Variants in LRP6 observed in about 807,000 individuals in gnomAD.
The protein encoded by LRP6 is LDL receptor related protein 6.
In LRP6, 43 loss-of-function variants were observed where a neutral mutation model predicts 184.1. The observed-to-expected ratio is 0.23, with a 90% CI of 0.18 to 0.30. LRP6 has a LOEUF of 0.30. Among genes scored for constraint, LRP6 ranks in the 10% least tolerant of loss-of-function variants. LRP6 has a pLI of 1.00. For missense variants in LRP6, 1,571 were observed against 2,005.3 expected (o/e 0.78, Z 4.14); for synonymous variants, 719 against 684.9 (o/e 1.05, Z -0.78).
At position 12,118,727 on chromosome 12, in the gene LRP6, A is replaced by G. The variant is rs950365692; in HGVS notation, c.*2399T>C. On this transcript the variant is annotated 3_prime_UTR_variant, in exon 23 of 23. Coordinates refer to ENST00000261349, the MANE Select transcript of LRP6 (RefSeq NM_002336.3). ...CCCAGAAATATTAAGAATCCATCTC[A>G]TCTACCCCAGAAAGAGAACACTGAG... 2 of 152,230 alleles carry G rather than the reference A, an allele frequency of 1.3e-5. No homozygotes were observed. Among genetic ancestry groups the G allele is most frequent in the African/African-American group, 4.8e-5 (2 of 41,460 alleles). The allele number at this position is 152,230 out of a possible 1,614,324, so 9.4% of individuals were successfully genotyped here. A position where few individuals can be genotyped will look rare whatever the true frequency, so the allele number is the denominator to read the frequency against.
chr12:12,121,476 C>G, intron 22 of LRP6, 56 bp from the exon 23 acceptor site: 3 of 1,527,058 alleles, frequency 2.0e-6, no homozygotes, highest in South Asian at 2.2e-5. Flanking sequence ...AAAATGATTT[C>G]CCCTCTCAGA....
intron 2 of LRP6, among the ~76,000 whole-genome samples, chr12:12,221,998 T>C (rs1591961184): frequency 6.6e-6 from 1 of 152,160 alleles, no homozygotes; most frequent in East Asian, 1.9e-4. Context: ...ACTTATACCC[T>C]TCCACTGTGC....
At chr12:12,171,841 C>T (rs1863054882) in intron 7 of LRP6, among the ~76,000 whole-genome samples, 1 of 152,190 alleles carries the variant, frequency 6.6e-6, no homozygotes, top group Non-Finnish European at 1.5e-5. Context: ...ACAAGTTAAC[C>T]ATAGTGAAAT....
chr12:12,154,484 G>A lies in LRP6; in HGVS notation c.2792-3446C>T, dbSNP rs1055697605. Among the ~76,000 whole-genome samples, 4 of 152,288 alleles carry A rather than the reference G, an allele frequency of 2.6e-5. No homozygotes were observed. In the East Asian group the frequency reaches 7.7e-4, roughly 29 times the overall value. ...TCCACTGAATTTCATTCACTGCTAT[G>A]TTTTCCAACGGCTGAAGTAATGCGC... On this transcript the variant is annotated intron_variant, in intron 12 of 22. Coordinates refer to ENST00000261349, the MANE Select transcript of LRP6 (RefSeq NM_002336.3).
rs552570542 is a variant in LRP6, at chr12:12,130,035, T to C, written c.4081+748A>G. 3.0e-4 allele frequency among the ~76,000 whole-genome samples: 46 copies of C among 152,258 alleles called. No individual in the cohort carries two copies. The South Asian group carries it at 8.7e-3, about 29-fold the overall frequency. ...TATGTGTTTTTTAGGCTAAATGATA[T>C]ATATGTTAAATCATTTAATTTTCTT... On this transcript the variant is annotated intron_variant, in intron 19 of 22. Coordinates refer to ENST00000261349, the MANE Select transcript of LRP6 (RefSeq NM_002336.3).
intron 12 of LRP6, among the ~76,000 whole-genome samples, chr12:12,152,322 G>A (rs750433918): frequency 9.9e-5 from 15 of 152,046 alleles, no homozygotes; most frequent in South Asian, 2.1e-4. Flanking sequence ...TTTATCAACC[G>A]CATGAAAATG....
chr12:12,250,375 G>C (rs1865295789), intron 1 of LRP6, among the ~76,000 whole-genome samples: 1 of 152,074 alleles, frequency 6.6e-6, no homozygotes, highest in African/African-American at 2.4e-5. Context: ...CTCCCAGCAA[G>C]CAAGTCCTTC....
intron 15 of LRP6, among the ~76,000 whole-genome samples, chr12:12,145,624 CTTTTTTTTTTTT>C (rs1157764946): frequency 1.2e-5 from 1 of 80,314 alleles, no homozygotes; most frequent in Non-Finnish European, 2.6e-5. Context: ...TTTTCTTTTT[CTTTTTTTTTTTT>C]TTTTTTTTTG....
At chr12:12,245,100 T>C (rs1865153749) in intron 1 of LRP6, among the ~76,000 whole-genome samples, 1 of 152,208 alleles carries the variant, frequency 6.6e-6, no homozygotes, top group African/African-American at 2.4e-5. Context: ...ATCTAGGTAT[T>C]TACTCAAGAG....
intron 2 of LRP6, among the ~76,000 whole-genome samples, chr12:12,228,892 G>T (rs990682903): frequency 2.6e-5 from 4 of 152,292 alleles, no homozygotes; most frequent in Admixed American, 2.6e-4. Flanking sequence ...GCCCCAGCGA[G>T]CTAGGAAAGA....
intron 15 of LRP6, among the ~76,000 whole-genome samples, chr12:12,142,915 A>C (rs1479872611): frequency 6.6e-6 from 1 of 152,142 alleles, no homozygotes. Context: ...ACAACAACAA[A>C]AAAGGATTCT....
intron 3 of LRP6, among the ~76,000 whole-genome samples, chr12:12,197,674 C>T (rs1472862560): frequency 6.6e-6 from 1 of 152,192 alleles, no homozygotes; most frequent in East Asian, 1.9e-4. Flanking sequence ...TCCTAATACT[C>T]ACTTACTTGA....
chr12:12,233,283 C>T (rs181470195), intron 2 of LRP6, among the ~76,000 whole-genome samples: 319 of 151,934 alleles, frequency 2.1e-3, no homozygotes, highest in Non-Finnish European at 3.5e-3. Context: ...CTGGCTAATG[C>T]GCTGAAACCC....
At chr12:12,247,946 C>A (rs1865228935) in intron 1 of LRP6, among the ~76,000 whole-genome samples, 1 of 152,172 alleles carries the variant, frequency 6.6e-6, no homozygotes, top group Non-Finnish European at 1.5e-5. Flanking sequence ...CCTTTCTAAG[C>A]CTTTTCTACT....
chr12:12,149,694 C>A (rs1377094390), intron 13 of LRP6, among the ~76,000 whole-genome samples: 1 of 152,184 alleles, frequency 6.6e-6, no homozygotes, highest in Non-Finnish European at 1.5e-5. Context: ...CCCAAAACGA[C>A]CACAGTGCTT....
intron 7 of LRP6, among the ~76,000 whole-genome samples, chr12:12,179,308 CATA>C (rs1863273984): frequency 6.6e-6 from 1 of 151,828 alleles, no homozygotes; most frequent in Non-Finnish European, 1.5e-5. Flanking sequence ...ATGTAACCAT[CATA>C]ATATTTAATA....
At chr12:12,163,644 A>T (rs1318095780) in intron 9 of LRP6, among the ~76,000 whole-genome samples, 2 of 152,134 alleles carry the variant, frequency 1.3e-5, no homozygotes, top group East Asian at 3.9e-4. Flanking sequence ...ATTTTTTTTT[A>T]AAGTAAATCA....
In LRP6 at chr12:12,221,122, C is replaced by T. The variant is rs1433300966; in HGVS notation, c.450-17722G>A. On this transcript the variant is annotated intron_variant, in intron 2 of 22. Coordinates refer to ENST00000261349, the MANE Select transcript of LRP6 (RefSeq NM_002336.3). ...AGACTGGTTAGCAGAAAACTGTCAG[C>T]TAAATCACATCCTGACCCTTCTTTC... Among the ~76,000 whole-genome samples the T allele has an allele frequency of 4.1e-4, 62 of 152,194 alleles. 2 individuals carry two copies. The highest frequency in any genetic ancestry group is 3.9e-3 in the Admixed American group (60 of 15,274).
rs71435901 is a variant in LRP6, at chr12:12,218,476, C to CAATAAT, written c.450-15082_450-15077dup. ...TGGGGAACAGACCAAGACCCTCTCT[C>CAATAAT]AATAATAATAATAATAATAATAATA... On this transcript the variant is annotated intron_variant, in intron 2 of 22. Transcript: ENST00000261349. Among the ~76,000 whole-genome samples, 966 of 140,010 alleles carry CAATAAT rather than the reference C, an allele frequency of 6.9e-3. 5 individuals carry two copies. The highest frequency in any genetic ancestry group is 0.017 in the African/African-American group (625 of 37,318). 91.9% of individuals were successfully genotyped at this position (140,010 alleles called of 152,430 possible).
Sources: allele counts gnomAD v4.1 joint callset (sites outside exome capture counted in the v4.1 genomes callset), GRCh38; gene constraint gnomAD v4.1.1; transcripts MANE v1.5; gene names NCBI Gene and HGNC (gene_info 2026-07-23, HGNC 2026-07-21).